Variants in LILRB1 observed in about 807,000 individuals in gnomAD.
LILRB1 encodes the protein leukocyte immunoglobulin like receptor B1.
Under a neutral mutation model 74.6 loss-of-function variants are expected in LILRB1, and 59 were observed. The ratio of observed to expected loss-of-function variants is 0.79; its 90% CI spans 0.64 to 0.98. LILRB1 has a LOEUF of 0.98. Among genes scored for constraint, LILRB1 ranks in the 50% least tolerant of loss-of-function variants. The probability of loss-of-function intolerance (pLI) is 0.00; values close to 1 mark genes in which losing one functional copy is unlikely to be tolerated. For missense variants in LILRB1, 804 were observed against 822.6 expected, an observed-to-expected ratio of 0.98 and a Z score of 0.28; for synonymous variants, 328 against 333.9, an observed-to-expected ratio of 0.98 and a Z score of 0.19.
rs368392049 is a variant in LILRB1 at position 54,633,453 on chromosome 19, AAGG to A, written c.1261+141_1261+143del. 713 of 1,335,024 alleles carry A rather than the reference AAGG, an allele frequency of 5.3e-4. 4 individuals are homozygous for A. In the African/African-American group the frequency reaches 9.6e-3, roughly 18 times the overall value. The allele number at this position is 1,335,024 out of a possible 1,614,324, so 82.7% of individuals were successfully genotyped here. ...CAGTGGGAGACTCACCCTCAGAGGG[AAGG>A]AGGAGAACAGGGCCCTCCCAGGCCT... On this transcript the variant is annotated intron_variant, in intron 7 of 14. Coordinates refer to ENST00000324602, the MANE Select transcript of LILRB1 (RefSeq NM_001081637.3).
At chr19:54,631,131 G>C (rs200146562) in intron 2 of LILRB1, 24 bp downstream of exon 2, 1 of 1,613,776 alleles carries the variant, frequency 6.2e-7, no homozygotes. Context: ...AAGGAGGGGA[G>C]CTTCTAACCT....
intron 9 of LILRB1, chr19:54,634,417 C>T (rs1190145721): frequency 5.9e-6 from 9 of 1,524,196 alleles, no homozygotes; most frequent in Non-Finnish European, 7.1e-6. Context: ...GACTCCTGGG[C>T]TTCCTTCCCA....
At chr19:54,619,029 T>G (rs2063386328) in intron 1 of LILRB1, among the ~76,000 whole-genome samples, 1 of 152,104 alleles carries the variant, frequency 6.6e-6, no homozygotes, top group Admixed American at 6.5e-5. Flanking sequence ...CAGGAAAACA[T>G]TTTTAAAAAA....
intron 13 of LILRB1, chr19:54,635,934 G>A (rs1466167849): frequency 1.7e-6 from 1 of 595,180 alleles, no homozygotes; most frequent in Non-Finnish European, 3.2e-6. Context: ...ACCAGCAAGT[G>A]TTCCCAGGGA....
chr19:54,630,020 C>G (rs1159804969), upstream of LILRB1, among the ~76,000 whole-genome samples: 1 of 151,540 alleles, frequency 6.6e-6, no homozygotes, highest in Non-Finnish European at 1.5e-5. Context: ...TCCCAAACAC[C>G]TCAGGTCTTA....
chr19:54,618,118 A>T (rs2063360209), intron 1 of LILRB1, among the ~76,000 whole-genome samples: 1 of 147,368 alleles, frequency 6.8e-6, no homozygotes, highest in South Asian at 2.2e-4. Context: ...AAAAAAAAGA[A>T]AAAAAGAAAA....
upstream of LILRB1, chr19:54,617,089 C>T (rs1408927919): frequency 6.6e-6 from 1 of 152,306 alleles, no homozygotes; most frequent in Non-Finnish European, 1.5e-5. Flanking sequence ...GTCCCACCCA[C>T]AACCAGCACA....
chr19:54,629,688 C>T (rs1435190604), upstream of LILRB1, among the ~76,000 whole-genome samples: 3 of 138,076 alleles, frequency 2.2e-5, no homozygotes, highest in Admixed American at 7.1e-5. Context: ...CCCTGAGCCC[C>T]TCACTGTCAT....
chr19:54,635,828 G>C (rs768732558), intron 13 of LILRB1: 4 of 708,826 alleles, frequency 5.6e-6, no homozygotes, highest in African/African-American at 1.8e-5. Context: ...CTCATCCTCT[G>C]TTTGGCCGTC....
rs1172961671 is a variant in LILRB1 at position 54,637,802 on chromosome 19, C to T, written c.*924C>T. ...TGAGCCAGCAGACAGCCCTACAGAT[C>T]GTACACACGTTTTCCAAAACTAACA... On this transcript the variant is annotated 3_prime_UTR_variant, in exon 15 of 15. Coordinates refer to ENST00000324602, the MANE Select transcript of LILRB1 (RefSeq NM_001081637.3). Among the ~76,000 whole-genome samples, 2 of 152,096 alleles carry T rather than the reference C, an allele frequency of 1.3e-5. No homozygotes were observed. Among genetic ancestry groups the T allele is most frequent in the Non-Finnish European group, 2.9e-5 (2 of 68,028 alleles).
chr19:54,637,110 G>A lies in LILRB1; in HGVS notation c.*232G>A. 1 of 554,742 alleles carries A rather than the reference G, an allele frequency of 1.8e-6. No individual in the cohort carries two copies. The highest frequency in any genetic ancestry group is 3.2e-6 in the Non-Finnish European group (1 of 316,000). 34.4% of individuals were successfully genotyped at this position (554,742 alleles called of 1,614,324 possible). On this transcript the variant is annotated 3_prime_UTR_variant, in exon 15 of 15. Coordinates refer to ENST00000324602, the MANE Select transcript of LILRB1 (RefSeq NM_001081637.3). ...GTAGCTGAGAAAACTAAGTCAGAAA[G>A]TGCATTAAACTGAATCACAATGTAA...
At chr19:54,632,379 G>T in intron 5 of LILRB1, 85 bp from the exon 6 acceptor site, 1 of 1,549,298 alleles carries the variant, frequency 6.5e-7, no homozygotes, top group Non-Finnish European at 8.7e-7. Context: ...AGGAAGATCA[G>T]CAGTGATGTG....
At chr19:54,622,656 A>G (rs767084823) in intron 1 of LILRB1, among the ~76,000 whole-genome samples, 4 of 152,118 alleles carry the variant, frequency 2.6e-5, no homozygotes, top group Non-Finnish European at 5.9e-5. Context: ...ATGTGGATGC[A>G]CTTTCTTTCT....
chr19:54,635,453 C>T lies in LILRB1; in HGVS notation c.1601-104C>T. 3.9e-6 allele frequency: 6 copies of T among 1,523,366 alleles called. No homozygotes were observed. The South Asian group carries it at 4.9e-5, about 13-fold the overall frequency. 94.4% of individuals were successfully genotyped at this position (1,523,366 alleles called of 1,614,324 possible). ...GGCCTCAGGGACATCGCAGCCCCTC[C>T]CTGCATCTCAGTGGCCCCATCTGGG... is the stretch of plus-strand genomic sequence containing the variant. On this transcript the variant is annotated intron_variant, in intron 12 of 14. Transcript: ENST00000324602.
intron 13 of LILRB1, chr19:54,635,857 C>T (rs1172110730): frequency 4.4e-6 from 3 of 685,936 alleles, no homozygotes; most frequent in Non-Finnish European, 8.2e-6. Flanking sequence ...AGAGCTCTCC[C>T]CAGGCCTCAG....
chr19:54,619,470 A>G (rs981285278), intron 1 of LILRB1, among the ~76,000 whole-genome samples: 1 of 152,186 alleles, frequency 6.6e-6, no homozygotes, highest in African/African-American at 2.4e-5. Context: ...AGGTTTTAGT[A>G]AAATATTAAC....
At position 54,636,838 on chromosome 19, in the gene LILRB1, C is replaced by T. The variant is rs527847806; in HGVS notation, c.1919C>T (p.Pro640Leu). 6.2e-7 allele frequency: 1 copy of T among 1,613,712 alleles called. No homozygotes were observed. Among genetic ancestry groups the T allele is most frequent in the African/African-American group, 1.3e-5 (1 of 75,034 alleles). The change falls in exon 15 of 15, where the codon CCA becomes CTA. Residue 640 changes from proline (P) to leucine (L), a missense_variant. Physicochemically the swap from Pro to Leu is moderately conservative, Grantham distance 98. Transcript: ENST00000324602. The part of the protein sequence containing the change: ...EPPPSQEGPS[P>L]AVPSIYATLA... ...CCTCCATCCCAGGAAGGGCCCTCTC[C>T]AGCTGTGCCCAGCATCTACGCCACT...
chr19:54,617,037 A>G (rs1267598442), upstream of LILRB1: 1 of 152,282 alleles, frequency 6.6e-6, no homozygotes, highest in Non-Finnish European at 1.5e-5. Context: ...AAACTGAGAC[A>G]CATGAGAGGG....
At position 54,636,694 on chromosome 19, in the gene LILRB1, C is replaced by T. The variant is rs748904486; in HGVS notation, c.1813-38C>T. The stretch of plus-strand genomic sequence containing the variant: ...CCAGGCCCCCAGGCCTCCCCCACCC[C>T]CACCACGTTCCTTCCCTCTCACTCT... On this transcript the variant is annotated intron_variant, in intron 14 of 14. Transcript: ENST00000324602. 292 of 1,607,756 alleles carry T rather than the reference C, an allele frequency of 1.8e-4. No individual in the cohort carries two copies. In the African/African-American group the frequency reaches 3.4e-3, roughly 19 times the overall value.
Sources: gnomAD v4.1 joint callset for allele counts (sites outside exome capture counted in the v4.1 genomes callset) on GRCh38, gnomAD v4.1.1 for gene constraint, MANE v1.5 for transcripts, NCBI Gene and HGNC (gene_info 2026-07-23, HGNC 2026-07-21) for gene names.